Variants in PHC2 observed in about 807,000 individuals in gnomAD.
The protein encoded by PHC2 is polyhomeotic homolog 2.
PHC2 carries 29 observed loss-of-function variants against 87.4 expected under a neutral mutation model. That is an observed-to-expected ratio of 0.33 (90% confidence interval 0.25 to 0.45). PHC2 has a LOEUF of 0.45. Among genes scored for constraint, PHC2 ranks in the 20% least tolerant of loss-of-function variants. PHC2 has a pLI of 1.00. For synonymous variants in PHC2, 438 were observed against 461.7 expected, an observed-to-expected ratio of 0.95 and a Z score of 0.66; for missense variants, 857 against 1,136.7, an observed-to-expected ratio of 0.75 and a Z score of 3.54.
At position 33,332,037 on chromosome 1, in the gene PHC2, A is replaced by G. The variant is rs957120476; in HGVS notation, c.1891+238T>C. Among the ~76,000 whole-genome samples the G allele has an allele frequency of 3.9e-5, 6 of 152,250 alleles. No individual in the cohort carries two copies. The highest frequency in any genetic ancestry group is 1.4e-4 in the African/African-American group (6 of 41,464). The stretch of plus-strand genomic sequence containing the variant: ...ACTTGCCAATGATTCCCACAGGAAA[A>G]GCCATTCTTGGGATCCTGTGGTTGG... On this transcript the variant is annotated intron_variant, in intron 11 of 14. Transcript: ENST00000683057. The surrounding 1 kb of genome is among the most constrained non-coding windows in gnomAD (Gnocchi z 4.2).
intron 1 of PHC2, among the ~76,000 whole-genome samples, chr1:33,406,580 C>T (rs1023106386): frequency 6.6e-6 from 1 of 152,334 alleles, no homozygotes; most frequent in East Asian, 1.9e-4. Context: ...CTTCTGTAAA[C>T]AGCAGAGAGT....
Position 33,382,443 on chromosome 1 carries a change from T to G in PHC2, c.-54-6850A>C, listed in dbSNP as rs1648537200. On this transcript the variant is annotated intron_variant, in intron 1 of 14. Coordinates refer to ENST00000683057, the MANE Select transcript of PHC2 (RefSeq NM_001385109.1). The surrounding 1 kb of genome is among the most constrained non-coding windows in gnomAD (Gnocchi z 4.3). ...TTTAATTCCTACTCTTATTCTTTCC[T>G]TCTCTTCCAACTAGTTCTTTATTTC... 6.6e-6 allele frequency among the ~76,000 whole-genome samples: 1 copy of G among 152,116 alleles called. No homozygotes were observed. Among genetic ancestry groups the G allele is most frequent in the Non-Finnish European group, 1.5e-5 (1 of 68,018 alleles).
In PHC2 at chr1:33,372,299, G is replaced by A. The variant is rs1647898125; in HGVS notation, c.323C>T (p.Ala108Val). ...LSSAQLQSLA[A>V]VQQASLVSNR... ...CTTCCCAAGTCTCACCTGCTGTACGGCTGCCAGGCTCTGGAGCTGGGCGCT... is the reference window on the plus strand; with the variant it reads ...CTTCCCAAGTCTCACCTGCTGTACGACTGCCAGGCTCTGGAGCTGGGCGCT... Residue 108 changes from alanine (A) to valine (V), a missense_variant, in exon 3 of 15, where the codon GCC (alanine) becomes GTC (valine). By Grantham distance (64) the Ala-to-Val change is moderately conservative (BLOSUM62 0). Transcript: ENST00000683057. The A allele has an allele frequency of 1.3e-6, 2 of 1,567,404 alleles. No individual in the cohort carries two copies. Among genetic ancestry groups the A allele is most frequent in the South Asian group, 1.2e-5 (1 of 85,770 alleles).
At chr1:33,370,353 A>C in intron 5 of PHC2, 68 bp downstream of exon 5, 14 of 1,459,214 alleles carry the variant, frequency 9.6e-6, no homozygotes, top group South Asian at 4.0e-5. Flanking sequence ...TCCAGCTCCC[A>C]GCTCCCAGCT....
chr1:33,362,684 C>T (rs1287592555), intron 7 of PHC2, among the ~76,000 whole-genome samples: 5 of 152,240 alleles, frequency 3.3e-5, no homozygotes, highest in Non-Finnish European at 5.9e-5. Context: ...TGGTCACACG[C>T]GCACACAGCC....
intron 1 of PHC2, among the ~76,000 whole-genome samples, chr1:33,383,492 T>C (rs1211397012): frequency 6.6e-6 from 1 of 152,256 alleles, no homozygotes; most frequent in African/African-American, 2.4e-5. Flanking sequence ...CTTACTGTTT[T>C]CTTCCTAATT....
At chr1:33,409,735 A>T (rs1022819841) in intron 1 of PHC2, among the ~76,000 whole-genome samples, 1 of 152,218 alleles carries the variant, frequency 6.6e-6, no homozygotes, top group Admixed American at 6.5e-5. Context: ...TTTAGCCACC[A>T]GAAGAGTAAC....
intron 1 of PHC2, among the ~76,000 whole-genome samples, chr1:33,415,885 A>G (rs1207781644): frequency 6.6e-6 from 1 of 152,230 alleles, no homozygotes; most frequent in Admixed American, 6.5e-5. Context: ...ACTGGATGAG[A>G]TTAACAACAG....
Position 33,332,704 on chromosome 1 carries a change from C to A in PHC2, c.1762-300G>T, listed in dbSNP as rs1213220705. 1.3e-5 allele frequency among the ~76,000 whole-genome samples: 2 copies of A among 152,142 alleles called. No homozygotes were observed. Among genetic ancestry groups the A allele is most frequent in the African/African-American group, 4.8e-5 (2 of 41,406 alleles). The stretch of plus-strand genomic sequence containing the variant: ...AGTCTAAGGGCTGAGATCAGGTTTC[C>A]CACAGTGCCAGATCAAGCACCAAGA... On this transcript the variant is annotated intron_variant, in intron 10 of 14. Transcript: ENST00000683057. The surrounding 1 kb of genome is among the most constrained non-coding windows in gnomAD (Gnocchi z 4.2).
intron 7 of PHC2, among the ~76,000 whole-genome samples, chr1:33,356,902 C>T (rs1024851446): frequency 7.2e-5 from 11 of 151,966 alleles, no homozygotes; most frequent in East Asian, 5.8e-4. Flanking sequence ...CCAGACGGGG[C>T]GGCGGCCGGG....
intron 9 of PHC2, chr1:33,346,713 G>C (rs912715611): frequency 4.3e-5 from 42 of 985,268 alleles, no homozygotes; most frequent in Admixed American, 6.1e-5. Context: ...AGGAGGTGGG[G>C]GAACTTTACT....
intron 9 of PHC2, among the ~76,000 whole-genome samples, chr1:33,343,347 G>A (rs1179944528): frequency 1.3e-5 from 2 of 151,602 alleles, no homozygotes; most frequent in African/African-American, 4.8e-5. Flanking sequence ...GCGAGCGCCT[G>A]TAGTCCCCGC....
intron 6 of PHC2, 60 bp from the exon 7 acceptor site, chr1:33,367,488 A>G: frequency 7.7e-7 from 1 of 1,298,602 alleles, no homozygotes; most frequent in Non-Finnish European, 1.1e-6. Flanking sequence ...CCAGTATACA[A>G]CTAAGAGGGA....
rs971377122 is a variant in PHC2 at position 33,349,351 on chromosome 1, G to A, written c.1558+5050C>T. ...GTGTGCGGGGCCTGGGGACGCGGAA[G>A]CTGCGGCGCGCCGAGGTGACACGGC... On this transcript the variant is annotated intron_variant, in intron 9 of 14. Coordinates refer to ENST00000683057, the MANE Select transcript of PHC2 (RefSeq NM_001385109.1). This position sits in a 1 kb window ranked among gnomAD's most constrained non-coding sequence, Gnocchi z 4.2. 1.0e-6 allele frequency: 1 copy of A among 985,456 alleles called. No homozygotes were observed. The highest frequency in any genetic ancestry group is 1.2e-6 in the Non-Finnish European group (1 of 829,974). 61.0% of individuals were successfully genotyped at this position (985,456 alleles called of 1,614,324 possible).
At chr1:33,351,717 C>G (rs995233525) in intron 9 of PHC2, among the ~76,000 whole-genome samples, 1 of 151,976 alleles carries the variant, frequency 6.6e-6, no homozygotes, top group South Asian at 2.1e-4. Flanking sequence ...CTTGGGAGGC[C>G]GAGGCGGGCA....
chr1:33,325,268 G>T, intron 14 of PHC2: 1 of 446,500 alleles, frequency 2.2e-6, no homozygotes, highest in Non-Finnish European at 4.0e-6. Flanking sequence ...TCCATGAACT[G>T]GGCGGACCCA....
intron 9 of PHC2, among the ~76,000 whole-genome samples, chr1:33,352,310 A>C (rs1001674049): frequency 2.6e-5 from 4 of 152,210 alleles, no homozygotes; most frequent in Non-Finnish European, 5.9e-5. Flanking sequence ...ACAGGTGGCA[A>C]AGTTAAGCAG....
At chr1:33,367,018 T>C in intron 7 of PHC2, 98 bp downstream of exon 7, 2 of 1,075,676 alleles carry the variant, frequency 1.9e-6, no homozygotes, top group South Asian at 3.0e-5. Flanking sequence ...GGCTGGTATC[T>C]TTGCAAATCC....
At chr1:33,410,978 T>C (rs918692113) in intron 1 of PHC2, among the ~76,000 whole-genome samples, 15 of 152,250 alleles carry the variant, frequency 9.9e-5, no homozygotes, top group African/African-American at 3.6e-4. Context: ...TATCACCCAA[T>C]GAAGAACCAA....
Sources: allele counts gnomAD v4.1 joint callset (sites outside exome capture counted in the v4.1 genomes callset), GRCh38; gene constraint gnomAD v4.1.1; non-coding constraint Gnocchi (gnomAD v3.1); transcripts MANE v1.5; gene names NCBI Gene and HGNC (gene_info 2026-07-23, HGNC 2026-07-21).